Variants in GALK2 observed in about 807,000 individuals in gnomAD.
The protein encoded by GALK2 is N-acetylgalactosamine kinase.
GALK2 carries 36 observed loss-of-function variants against 52.4 expected under a neutral mutation model. That is an observed-to-expected ratio of 0.69 (90% CI 0.53 to 0.91). The LOEUF is 0.91. Among genes scored for constraint, GALK2 ranks in the 40% least tolerant of loss-of-function variants. GALK2 has a pLI of 0.00. For synonymous variants in GALK2, 176 were observed against 199.1 expected (o/e 0.88, Z 0.98); for missense variants, 579 against 559.1 (o/e 1.04, Z -0.36).
intron 9 of GALK2, among the ~76,000 whole-genome samples, chr15:49,325,897 C>A (rs2037394977): frequency 1.3e-5 from 2 of 152,302 alleles, no homozygotes; most frequent in East Asian, 1.9e-4. Flanking sequence ...GGAAAATAGA[C>A]CTCTGGCCCA....
chr15:49,365,796 G>A, intron 3 of GALK2: 1 of 858,968 alleles, frequency 1.2e-6, no homozygotes, highest in East Asian at 2.4e-5. Context: ...CTATTGCTAT[G>A]CACAGTCCAG....
chr15:49,215,513 G>A (rs2089297683), intron 2 of GALK2, among the ~76,000 whole-genome samples: 1 of 150,746 alleles, frequency 6.6e-6, no homozygotes, highest in Non-Finnish European at 1.5e-5. Flanking sequence ...CTGCTGTTGA[G>A]AGACTCTGAG....
At chr15:49,339,990 G>A (rs1201546405) in intron 3 of GALK2, among the ~76,000 whole-genome samples, 1 of 151,970 alleles carries the variant, frequency 6.6e-6, no homozygotes, top group Non-Finnish European at 1.5e-5. Context: ...AGGGTCCCAG[G>A]TTGAGCTCAG....
chr15:49,191,871 T>C (rs1013298037), intron 1 of GALK2, among the ~76,000 whole-genome samples: 1 of 145,594 alleles, frequency 6.9e-6, no homozygotes, highest in African/African-American at 2.5e-5. Context: ...TGTTTTTTTT[T>C]TCCATACTTT....
rs145860540 is a variant in GALK2 at position 49,284,441 on chromosome 15, G to A, written c.756+723G>A. 2.9e-3 allele frequency among the ~76,000 whole-genome samples: 439 copies of A among 152,314 alleles called. 2 individuals carry two copies. Among genetic ancestry groups the A allele is most frequent in the African/African-American group, 0.01 (417 of 41,580 alleles). On this transcript the variant is annotated intron_variant, in intron 7 of 9. Transcript: ENST00000560031. ...ATCCAGTGATCCAACAAGTGACACA[G>A]TAATTAAATATTATAAATAATCCAG...
exon 1 of GALK2, chr15:49,155,848 C>T (rs2084430820): frequency 2.3e-6 from 2 of 864,330 alleles, no homozygotes; most frequent in African/African-American, 1.7e-5. Flanking sequence ...AGCCGAAGGG[C>T]GTCGGAAACT....
intron 3 of GALK2, among the ~76,000 whole-genome samples, chr15:49,351,847 T>C (rs1339753156): frequency 6.6e-6 from 1 of 152,180 alleles, no homozygotes; most frequent in African/African-American, 2.4e-5. Context: ...CCTTAGTCAG[T>C]GGATGTGGGC....
intron 5 of GALK2, among the ~76,000 whole-genome samples, chr15:49,258,145 A>G (rs958288227): frequency 2.6e-5 from 4 of 152,072 alleles, no homozygotes; most frequent in Non-Finnish European, 4.4e-5. Flanking sequence ...TTTTAATAAC[A>G]TATCTATTTT....
chr15:49,286,092 C>G (rs1340520704), intron 7 of GALK2, among the ~76,000 whole-genome samples: 1 of 152,184 alleles, frequency 6.6e-6, no homozygotes. Context: ...CTTCCTTACT[C>G]CTAGACTAAG....
intron 3 of GALK2, among the ~76,000 whole-genome samples, chr15:49,354,311 T>C (rs1284923460): frequency 6.6e-6 from 1 of 152,162 alleles, no homozygotes; most frequent in African/African-American, 2.4e-5. Flanking sequence ...AGACGGGTGA[T>C]TTCTGCATTT....
intron 3 of GALK2, among the ~76,000 whole-genome samples, chr15:49,339,518 G>A (rs574332105): frequency 1.2e-4 from 19 of 152,268 alleles, no homozygotes; most frequent in African/African-American, 3.9e-4. Flanking sequence ...AGGGGCACCC[G>A]CCAGATGCCA....
chr15:49,299,759 CTTT>C (rs2034890852), intron 8 of GALK2, among the ~76,000 whole-genome samples: 1 of 113,520 alleles, frequency 8.8e-6, no homozygotes, highest in African/African-American at 3.2e-5. Flanking sequence ...TTCTTTCTTT[CTTT>C]CTTTCTTTCT....
downstream of GALK2, chr15:49,335,627 A>G (rs1270879523): frequency 3.1e-5 from 18 of 574,404 alleles, no homozygotes; most frequent in Non-Finnish European, 3.4e-5. Flanking sequence ...AAGTATAAAC[A>G]TGAATATTAT....
In GALK2 at chr15:49,330,196, A is replaced by G. The variant is rs1341612771; in HGVS notation, c.*2037A>G. The G allele has an allele frequency of 1.3e-5, 2 of 152,204 alleles. No homozygotes were observed. Among genetic ancestry groups the G allele is most frequent in the Non-Finnish European group, 2.9e-5 (2 of 68,084 alleles). 9.4% of individuals were successfully genotyped at this position (152,204 alleles called of 1,614,324 possible). On this transcript the variant is annotated 3_prime_UTR_variant, in exon 10 of 10. Coordinates refer to ENST00000560031, the MANE Select transcript of GALK2 (RefSeq NM_002044.4). Reference sequence around the variant, plus strand: ...GCAAAGCCTATGGGTATAGGCAAACATGGTGTGTGTAGGAGGCTCAGTGAG... The same window carrying G: ...GCAAAGCCTATGGGTATAGGCAAACGTGGTGTGTGTAGGAGGCTCAGTGAG...
At chr15:49,171,089 T>C (rs569814539) in intron 1 of GALK2, among the ~76,000 whole-genome samples, 5,027 of 140,566 alleles carry the variant, frequency 0.036, 181 homozygotes, top group African/African-American at 0.096. Flanking sequence ...TTTCTTTTTT[T>C]TTTTTTTTTT....
intron 8 of GALK2, among the ~76,000 whole-genome samples, chr15:49,293,277 G>GTAA (rs1341023064): frequency 6.6e-6 from 1 of 152,350 alleles, no homozygotes; most frequent in African/African-American, 2.4e-5. Flanking sequence ...TACCCACAAA[G>GTAA]TAATGTCTTA....
intron 2 of GALK2, among the ~76,000 whole-genome samples, chr15:49,202,219 G>T (rs1186449999): frequency 6.6e-6 from 1 of 152,050 alleles, no homozygotes; most frequent in Non-Finnish European, 1.5e-5. Flanking sequence ...TGGTCAGGCT[G>T]GTCTCGAACT....
chr15:49,193,942 GGT>G (rs2086982594), intron 1 of GALK2: 1 of 151,706 alleles, frequency 6.6e-6, no homozygotes, highest in African/African-American at 2.4e-5. Context: ...TTAGCCAGAT[GGT>G]CTCGATCTCT....
intron 5 of GALK2, among the ~76,000 whole-genome samples, chr15:49,240,754 A>G (rs1034560910): frequency 6.6e-6 from 1 of 152,222 alleles, no homozygotes; most frequent in Non-Finnish European, 1.5e-5. Flanking sequence ...AGCAATTTGG[A>G]TAACAGAGCA....
Sources: gnomAD v4.1 joint callset for allele counts (sites outside exome capture counted in the v4.1 genomes callset) on GRCh38, gnomAD v4.1.1 for gene constraint, MANE v1.5 for transcripts, NCBI Gene and HGNC (gene_info 2026-07-23, HGNC 2026-07-21) for gene names.